Variants in PVALEF observed in about 807,000 individuals in gnomAD.
The protein encoded by PVALEF is parvalbumin like EF-hand containing, also known as parvalbumin-like EF-hand-containing protein.
Under a neutral mutation model 1.2 loss-of-function variants are expected in PVALEF, and 2 were observed. The observed-to-expected ratio is 1.68, with a 90% CI of 0.69 to 5.28. PVALEF has a LOEUF of 5.28. Ranked by LOEUF, PVALEF falls within the 30% of genes most tolerant of loss-of-function variation. The pLI is 0.06. For missense variants in PVALEF, 35 were observed against 17.7 expected (o/e 1.97, Z -1.75); for synonymous variants, 16 against 6.5 (o/e 2.47, Z -2.24).
chr17:81,166,902 C>T, intron 2 of PVALEF, 58 bp downstream of exon 2: 1 of 335,510 alleles, frequency 3.0e-6, no homozygotes, highest in Non-Finnish European at 6.1e-6. Flanking sequence ...CCCTATGTTT[C>T]TCCCAGGATC....
intron 2 of PVALEF, among the ~76,000 whole-genome samples, 151 bp from the exon 3 acceptor site, chr17:81,178,767 A>C (rs1003511480): frequency 6.6e-6 from 1 of 152,160 alleles, no homozygotes; most frequent in African/African-American, 2.4e-5. Context: ...GCTGCACTGG[A>C]GGCCCGAGGC....
At chr17:81,180,003 G>A (rs933337568) in intron 3 of PVALEF, among the ~76,000 whole-genome samples, 16 of 152,268 alleles carry the variant, frequency 1.1e-4, no homozygotes, top group African/African-American at 1.9e-4. Flanking sequence ...TCCCCCGGCC[G>A]GACATCCCAG....
intron 3 of PVALEF, among the ~76,000 whole-genome samples, chr17:81,180,066 A>G (rs2061548524): frequency 6.6e-6 from 1 of 152,024 alleles, no homozygotes; most frequent in African/African-American, 2.4e-5. Context: ...ACGAGCTATA[A>G]ATAAACCAGC....
rs1369926209 is a variant in PVALEF, at chr17:81,183,153, C to T, written c.*142C>T. ...CTTTTGAAGGAAAATGGAAGAAAAG[C>T]AGCATTAAGTGAATGACGCAGCCTG... is the stretch of plus-strand genomic sequence containing the variant. On this transcript the variant is annotated 3_prime_UTR_variant, in exon 7 of 7. Transcript: ENST00000637878. 7.6e-6 allele frequency: 3 copies of T among 392,748 alleles called. No homozygotes were observed. The highest frequency in any genetic ancestry group is 1.3e-5 in the Non-Finnish European group (3 of 222,764). The allele number at this position is 392,748 out of a possible 1,614,324, so 24.3% of individuals were successfully genotyped here. A position where few individuals can be genotyped will look rare whatever the true frequency, so the allele number is the denominator to read the frequency against.
At position 81,183,148 on chromosome 17, in the gene PVALEF, A is replaced by G. The variant is rs906571505; in HGVS notation, c.*137A>G. On this transcript the variant is annotated 3_prime_UTR_variant, in exon 7 of 7. Coordinates refer to ENST00000637878, the MANE Select transcript of PVALEF (RefSeq NM_001354639.2). ...CCCAGCTTTTGAAGGAAAATGGAAG[A>G]AAAGCAGCATTAAGTGAATGACGCA... is the stretch of plus-strand genomic sequence containing the variant. The G allele has an allele frequency of 2.5e-6, 1 of 396,558 alleles. No individual in the cohort carries two copies. Among genetic ancestry groups the G allele is most frequent in the Non-Finnish European group, 4.4e-6 (1 of 225,050 alleles). The allele number at this position is 396,558 out of a possible 1,614,324, so 24.6% of individuals were successfully genotyped here. A position where few individuals can be genotyped will look rare whatever the true frequency, so the allele number is the denominator to read the frequency against.
chr17:81,170,068 ATGTGTGTG>A (rs1022388890), intron 2 of PVALEF, among the ~76,000 whole-genome samples: 3 of 132,006 alleles, frequency 2.3e-5, no homozygotes, highest in African/African-American at 8.8e-5. Context: ...GTTGGTGTGT[ATGTGTGTG>A]CATATGTGTA....
intron 2 of PVALEF, among the ~76,000 whole-genome samples, chr17:81,174,192 T>C (rs139781371): frequency 0.011 from 1,718 of 152,290 alleles, 18 homozygotes; most frequent in Non-Finnish European, 0.019. Flanking sequence ...GCAAACATCA[T>C]ACTCAGTGGT....
chr17:81,169,602 C>T (rs758413997), intron 2 of PVALEF, among the ~76,000 whole-genome samples: 9 of 150,882 alleles, frequency 6.0e-5, no homozygotes, highest in Non-Finnish European at 1.3e-4. Flanking sequence ...TGTGTGTGGG[C>T]GGGGTCGCCC....
intron 2 of PVALEF, 131 bp downstream of exon 2, chr17:81,166,975 C>A: frequency 3.3e-6 from 1 of 305,568 alleles, no homozygotes; most frequent in Non-Finnish European, 6.6e-6. Context: ...CCCCAGCCTG[C>A]CCCCGTGGGA....
chr17:81,172,006 G>A (rs555811873), intron 2 of PVALEF, among the ~76,000 whole-genome samples: 6 of 152,244 alleles, frequency 3.9e-5, no homozygotes, highest in African/African-American at 7.2e-5. Flanking sequence ...CCCATGGACC[G>A]GCCCATTCTG....
chr17:81,177,418 T>C (rs928416441), intron 2 of PVALEF, among the ~76,000 whole-genome samples: 15 of 151,816 alleles, frequency 9.9e-5, no homozygotes, highest in Admixed American at 2.6e-4. Flanking sequence ...CGTGGCGGCA[T>C]GCACCTGTAA....
In PVALEF at chr17:81,181,423, C is replaced by T. The variant is rs183203435; in HGVS notation, c.106+91C>T. The T allele has an allele frequency of 2.7e-3, 1,455 of 538,538 alleles. 5 individuals are homozygous for T. Among genetic ancestry groups the T allele is most frequent in the Non-Finnish European group, 4.0e-3 (1,208 of 304,772 alleles). The allele number at this position is 538,538 out of a possible 1,614,324, so 33.4% of individuals were successfully genotyped here. A position where few individuals can be genotyped will look rare whatever the true frequency, so the allele number is the denominator to read the frequency against. On this transcript the variant is annotated intron_variant, in intron 4 of 6. Transcript: ENST00000637878. ...ATCCCTTTTCTGGGGCTGATGGGTC[C>T]AGGACACCAGGACCTGCGGCGGGCG...
At chr17:81,166,125 C>CG (rs1202974550) in intron 1 of PVALEF, 77 of 387,824 alleles carry the variant, frequency 2.0e-4, no homozygotes, top group Non-Finnish European at 2.5e-4. Flanking sequence ...CCCCGCGCCC[C>CG]CCGCCGCAGC....
At chr17:81,181,015 C>CCT (rs911796222) in intron 3 of PVALEF, 108 bp from the exon 4 acceptor site, 1 of 525,868 alleles carries the variant, frequency 1.9e-6, no homozygotes, top group South Asian at 2.6e-5. Flanking sequence ...CCCGCTGACC[C>CCT]CTCTGCCTGT....
At chr17:81,172,567 C>T (rs948807606) in intron 2 of PVALEF, among the ~76,000 whole-genome samples, 16 of 152,210 alleles carry the variant, frequency 1.1e-4, no homozygotes, top group African/African-American at 2.9e-4. Context: ...CACTTGGGGT[C>T]AGGAGTTCAA....
intron 2 of PVALEF, among the ~76,000 whole-genome samples, chr17:81,170,777 GCCTCA>G (rs1598247224): frequency 6.6e-6 from 1 of 152,156 alleles, no homozygotes; most frequent in Non-Finnish European, 1.5e-5. Context: ...GCCTGGCTGG[GCCTCA>G]CCCTGCAGTG....
At chr17:81,168,718 CGAA>C (rs2061507962) in intron 2 of PVALEF, among the ~76,000 whole-genome samples, 1 of 152,048 alleles carries the variant, frequency 6.6e-6, no homozygotes, top group Non-Finnish European at 1.5e-5. Context: ...CATTGCCCGT[CGAA>C]GAGGAAAAAG....
intron 5 of PVALEF, 103 bp from the exon 6 acceptor site, chr17:81,181,863 G>A (rs1462163383): frequency 2.3e-5 from 9 of 397,944 alleles, no homozygotes; most frequent in Non-Finnish European, 4.0e-5. Context: ...CAGGCTCCCG[G>A]CCCGAAGTGC....
chr17:81,179,021 C>A lies in PVALEF; in HGVS notation c.-236C>A. ...GAGCTGCCCGTGCCAGGCTGGAGTG[C>A]CGGGGAGGGGCGAGGACAGCTGCAG... On this transcript the variant is annotated 5_prime_UTR_variant, in exon 3 of 7. The change creates a premature stop within an existing upstream ORF in the 5' untranslated region. Transcript: ENST00000637878. 2 of 450,808 alleles carry A rather than the reference C, an allele frequency of 4.4e-6. No individual in the cohort carries two copies. The highest frequency in any genetic ancestry group is 9.0e-6 in the Non-Finnish European group (2 of 223,078). 27.9% of individuals were successfully genotyped at this position (450,808 alleles called of 1,614,324 possible). A position where few individuals can be genotyped will look rare whatever the true frequency, so the allele number is the denominator to read the frequency against.
Sources: gnomAD v4.1 joint callset for allele counts (sites outside exome capture counted in the v4.1 genomes callset) on GRCh38, gnomAD v4.1.1 for gene constraint, MANE v1.5 for transcripts, NCBI Gene and HGNC (gene_info 2026-07-23, HGNC 2026-07-21) for gene names.